RBFOX1: variants seen among roughly 807,000 people sequenced by gnomAD.
RBFOX1 encodes RNA binding fox-1 homolog 1, also known as RNA binding protein fox-1 homolog 1.
Under a neutral mutation model 57.7 loss-of-function variants are expected in RBFOX1, and 8 were observed. That is an observed-to-expected ratio of 0.14 (90% CI 0.08 to 0.25). The LOEUF is 0.25. Ranked by LOEUF, RBFOX1 falls within the 10% of genes least tolerant of loss-of-function variation. The probability of loss-of-function intolerance (pLI) is 1.00; values close to 1 mark genes in which losing one functional copy is unlikely to be tolerated. For missense variants in RBFOX1, 611 were observed against 548.5 expected (o/e 1.11, Z -1.14); for synonymous variants, 326 against 222.4 (o/e 1.47, Z -4.15).
chr16:6,357,177 A>G (rs1385140318), intron 2 of RBFOX1, among the ~76,000 whole-genome samples: 2 of 152,038 alleles, frequency 1.3e-5, no homozygotes, highest in African/African-American at 4.8e-5. Flanking sequence ...ACAGGCAAAT[A>G]TCTGGCTGCT....
intron 4 of RBFOX1, among the ~76,000 whole-genome samples, chr16:5,978,636 A>T (rs2060113762): frequency 1.3e-5 from 2 of 151,822 alleles, no homozygotes; most frequent in South Asian, 4.1e-4. Context: ...GTTATGTGAA[A>T]AAGACTCAGA....
chr16:6,362,934 C>A (rs1386617257), intron 2 of RBFOX1, among the ~76,000 whole-genome samples: 1 of 152,188 alleles, frequency 6.6e-6, no homozygotes, highest in South Asian at 2.1e-4. Flanking sequence ...GTGTGTGATA[C>A]ATGAGCAAGG....
intron 4 of RBFOX1, among the ~76,000 whole-genome samples, chr16:7,456,921 C>T (rs977783343): frequency 1.3e-5 from 2 of 151,474 alleles, no homozygotes; most frequent in Admixed American, 6.6e-5. Context: ...AACGGAGTTT[C>T]GCTCTTGTTG....
At chr16:6,210,379 GAGAA>G (rs753274541) in intron 1 of RBFOX1, among the ~76,000 whole-genome samples, 50 of 54,142 alleles carry the variant, frequency 9.2e-4, no homozygotes, top group African/African-American at 7.4e-4. Context: ...AAAAAAAAAA[GAGAA>G]AGGAAGGAAG....
At chr16:6,729,773 C>A (rs940454230) in intron 3 of RBFOX1, among the ~76,000 whole-genome samples, 1 of 152,048 alleles carries the variant, frequency 6.6e-6, no homozygotes, top group Admixed American at 6.6e-5. Flanking sequence ...TCTGTGTTCA[C>A]TTAAGTTGAG....
intron 1 of RBFOX1, among the ~76,000 whole-genome samples, chr16:5,459,832 T>C (rs995757489): frequency 1.3e-5 from 2 of 152,058 alleles, no homozygotes; most frequent in African/African-American, 4.8e-5. Flanking sequence ...TGAGATGAAA[T>C]GTGAGATTAA....
chr16:6,290,647 A>C (rs1228307520), intron 1 of RBFOX1, among the ~76,000 whole-genome samples: 1 of 152,226 alleles, frequency 6.6e-6, no homozygotes, highest in Non-Finnish European at 1.5e-5. Context: ...ACATGGGCGA[A>C]AAAGGAAATT....
chr16:6,439,984 G>A, intron 2 of RBFOX1, among the ~76,000 whole-genome samples: 1 of 81,306 alleles, frequency 1.2e-5, no homozygotes, highest in East Asian at 5.9e-4. Context: ...GTCTTACTCT[G>A]TCACCCAGGC....
At chr16:7,328,477 C>CA (rs58553232) in intron 4 of RBFOX1, among the ~76,000 whole-genome samples, 12,303 of 60,224 alleles carry the variant, frequency 0.2, 1,800 homozygotes, top group African/African-American at 0.35. Context: ...GACTCTGTCT[C>CA]AAAAAAAAAA....
chr16:6,397,027 G>T (rs1363192547), intron 2 of RBFOX1, among the ~76,000 whole-genome samples: 2 of 152,058 alleles, frequency 1.3e-5, no homozygotes, highest in Admixed American at 1.3e-4. Context: ...AAAAGCAAAT[G>T]ATTTGATTAT....
At position 5,594,458 on chromosome 16, in the gene RBFOX1, C is replaced by T. The variant is rs147737778; in HGVS notation, c.259-4444C>T. 4.8e-3 allele frequency among the ~76,000 whole-genome samples: 729 copies of T among 152,206 alleles called. 5 individuals are homozygous for T. The highest frequency in any genetic ancestry group is 0.01 in the Middle Eastern group (3 of 294). On this transcript the variant is annotated intron_variant, in intron 2 of 2. Coordinates refer to the RBFOX1 transcript ENST00000585867. ...TGACGACATCTGCCCAAGGTCAGAG[C>T]ATAGTTTGATTTTATACATTTTAGG...
chr16:6,877,042 C>A (rs938526939), intron 3 of RBFOX1, among the ~76,000 whole-genome samples: 7 of 152,128 alleles, frequency 4.6e-5, no homozygotes, highest in African/African-American at 1.7e-4. Flanking sequence ...ATTAAATATT[C>A]ATATGTATAT....
At position 5,786,437 on chromosome 16, in the gene RBFOX1, G is replaced by A. The variant is rs1489076421; in HGVS notation, c.319-80866G>A. On this transcript the variant is annotated intron_variant, in intron 3 of 19. Coordinates refer to the RBFOX1 transcript ENST00000641259. The stretch of plus-strand genomic sequence containing the variant: ...TCTCTACCACTAGGAGGGACCCTGT[G>A]TTTATGCAGAGTTGAAATAGTGACA... 2.7e-5 allele frequency among the ~76,000 whole-genome samples: 4 copies of A among 148,368 alleles called. No individual in the cohort carries two copies. In the South Asian group the frequency reaches 6.5e-4, roughly 24 times the overall value.
At chr16:6,945,791 C>A (rs111862112) in intron 3 of RBFOX1, among the ~76,000 whole-genome samples, 22 of 152,138 alleles carry the variant, frequency 1.4e-4, no homozygotes, top group African/African-American at 5.3e-4. Flanking sequence ...CTTCGGAGGC[C>A]GAGACGGGAG....
intron 2 of RBFOX1, among the ~76,000 whole-genome samples, chr16:5,577,634 C>A (rs757970804): frequency 2.0e-4 from 31 of 152,110 alleles, no homozygotes; most frequent in Non-Finnish European, 4.0e-4. Context: ...CAGGTGTGGT[C>A]TCGAATGGAT....
rs1324032504 is a variant in RBFOX1, at chr16:5,823,401, A to C, written c.319-43902A>C. Among the ~76,000 whole-genome samples, 7 of 152,184 alleles carry C rather than the reference A, an allele frequency of 4.6e-5. No homozygotes were observed. The East Asian group carries it at 1.3e-3, about 29-fold the overall frequency. ...GCTGGCAGAGTCGTAACCAAATGCA[A>C]CATAGCATGTGAAGTGTTCTATTGA... On this transcript the variant is annotated intron_variant, in intron 3 of 19. Transcript: ENST00000641259.
chr16:5,311,968 G>C (rs1354414179), intron 1 of RBFOX1, among the ~76,000 whole-genome samples: 1 of 152,184 alleles, frequency 6.6e-6, no homozygotes, highest in Non-Finnish European at 1.5e-5. Flanking sequence ...TAAATCATGA[G>C]CCTTGCAAGA....
intron 7 of RBFOX1, among the ~76,000 whole-genome samples, chr16:7,592,813 T>C (rs2094511336): frequency 6.6e-6 from 1 of 152,138 alleles, no homozygotes; most frequent in African/African-American, 2.4e-5. Flanking sequence ...ATTCTATTTA[T>C]TACAAAGGAT....
At chr16:6,638,262 G>A (rs1409555311) in intron 2 of RBFOX1, among the ~76,000 whole-genome samples, 1 of 152,062 alleles carries the variant, frequency 6.6e-6, no homozygotes, top group Non-Finnish European at 1.5e-5. Flanking sequence ...ATCCTAAACT[G>A]TTTTAAGGTA....
Sources: gnomAD v4.1 joint callset for allele counts (sites outside exome capture counted in the v4.1 genomes callset) on GRCh38, gnomAD v4.1.1 for gene constraint, MANE v1.5 for transcripts, NCBI Gene and HGNC (gene_info 2026-07-23, HGNC 2026-07-21) for gene names.